Variants in CCDC171 observed in about 807,000 individuals in gnomAD.
CCDC171 encodes the protein coiled-coil domain-containing protein 171.
In CCDC171, 177 loss-of-function variants were observed where a neutral mutation model predicts 168.2. The observed-to-expected ratio is 1.05, with a 90% CI of 0.93 to 1.19. The LOEUF is 1.19. Among genes scored for constraint, CCDC171 ranks in the 50% most tolerant of loss-of-function variants. The pLI is 0.00. For synonymous variants in CCDC171, 687 were observed against 540.8 expected, an observed-to-expected ratio of 1.27 and a Z score of -3.75; for missense variants, 1,991 against 1,539.0, an observed-to-expected ratio of 1.29 and a Z score of -4.91.
chr9:15,892,791 C>T (rs1820396034), intron 24 of CCDC171, among the ~76,000 whole-genome samples: 1 of 152,074 alleles, frequency 6.6e-6, no homozygotes. Flanking sequence ...AGAAAGGACA[C>T]AAACAAATGG....
rs926891524 is a variant in CCDC171 at position 15,809,050 on chromosome 9, C to T, written c.3267+24356C>T. Among the ~76,000 whole-genome samples, 6 of 152,126 alleles carry T rather than the reference C, an allele frequency of 3.9e-5. No individual in the cohort carries two copies. In the East Asian group the frequency reaches 1.2e-3, roughly 29 times the overall value. ...AGGGCACTAATCCCGATTTTGAGTG[C>T]TCGTCCATGATGGTTTAGTCACCTC... On this transcript the variant is annotated intron_variant, in intron 21 of 25. Transcript: ENST00000380701.
chr9:16,094,335 T>C, the CCDC171 span, among the ~76,000 whole-genome samples: 1 of 152,200 alleles, frequency 6.6e-6, no homozygotes, highest in Admixed American at 6.5e-5. Context: ...GGTGAGCTGG[T>C]TAGGAGAGTC....
downstream of CCDC171, among the ~76,000 whole-genome samples, chr9:15,978,866 A>C (rs558680814): frequency 1.8e-4 from 28 of 152,286 alleles, no homozygotes; most frequent in African/African-American, 5.8e-4. Flanking sequence ...CCCAAAGAGG[A>C]GCTCTGAACC....
rs560170321 is a variant in CCDC171 at position 15,857,041 on chromosome 9, A to G, written c.3468+8094A>G. Among the ~76,000 whole-genome samples, 135 of 152,132 alleles carry G rather than the reference A, an allele frequency of 8.9e-4. 1 individual carries two copies. The highest frequency in any genetic ancestry group is 3.2e-3 in the African/African-American group (132 of 41,504). On this transcript the variant is annotated intron_variant, in intron 23 of 25. Transcript: ENST00000380701. ...AAATGTATATTCAAGTTCTTAGCCC[A>G]TTTTAAAATGAGGTTATTAGTTTCT...
chr9:16,062,802 C>G (rs148065468), downstream of CCDC171, among the ~76,000 whole-genome samples: 1 of 152,210 alleles, frequency 6.6e-6, no homozygotes, highest in Non-Finnish European at 1.5e-5. Flanking sequence ...CTGGGGGACC[C>G]CGGTGAGGGA....
chr9:15,963,377 T>C (rs1397318403), intron 25 of CCDC171, among the ~76,000 whole-genome samples: 1 of 152,212 alleles, frequency 6.6e-6, no homozygotes, highest in Non-Finnish European at 1.5e-5. Flanking sequence ...TTTGTTTATC[T>C]ATCTAAAAAT....
In CCDC171 at chr9:15,727,864, TGCA is replaced by T; in HGVS notation, c.1693-3_1693-1del. 1 of 1,597,600 alleles carries T rather than the reference TGCA, an allele frequency of 6.3e-7. No homozygotes were observed. Among genetic ancestry groups the T allele is most frequent in the Non-Finnish European group, 8.5e-7 (1 of 1,173,490 alleles). On this transcript the variant is annotated splice_acceptor_variant and splice_polypyrimidine_tract_variant and intron_variant, in intron 14 of 25. Transcript: ENST00000380701. LOFTEE classifies it high-confidence loss of function. ...CAATTAATTTTTCTTTTTTTTTTCC[TGCA>T]GGAGAAGCTAACCTTCCTTCACACC...
At chr9:15,753,026 A>G (rs1005549113) in intron 18 of CCDC171, among the ~76,000 whole-genome samples, 2 of 152,128 alleles carry the variant, frequency 1.3e-5, no homozygotes, top group East Asian at 1.9e-4. Context: ...TCACTGTGTT[A>G]TGTATATATT....
intron 6 of CCDC171, among the ~76,000 whole-genome samples, chr9:15,615,815 G>C (rs1333359271): frequency 2.0e-5 from 3 of 147,484 alleles, no homozygotes; most frequent in Non-Finnish European, 4.5e-5. Flanking sequence ...GTCTCACTCT[G>C]TCACCCAGGC....
At chr9:15,948,715 G>C (rs940226159) in intron 25 of CCDC171, among the ~76,000 whole-genome samples, 4 of 151,450 alleles carry the variant, frequency 2.6e-5, no homozygotes, top group Admixed American at 1.3e-4. Context: ...GTAGATTCTG[G>C]ATATTAGCCC....
At chr9:15,759,552 T>G (rs1384629597) in intron 18 of CCDC171, among the ~76,000 whole-genome samples, 1 of 152,212 alleles carries the variant, frequency 6.6e-6, no homozygotes, top group Non-Finnish European at 1.5e-5. Context: ...CATGTTTTTT[T>G]AGTCTCCAGT....
Position 15,711,675 on chromosome 9 carries a change from AT to A in CCDC171, c.1319-10092del, listed in dbSNP as rs2052677206. On this transcript the variant is annotated intron_variant, in intron 11 of 25. Transcript: ENST00000380701. ...TGTTGTAAGAATTAGACCTTATGCA[AT>A]TGTGGGAGGAGCTGGGAAAGTAAGG... 2.0e-5 allele frequency among the ~76,000 whole-genome samples: 3 copies of A among 152,354 alleles called. No individual in the cohort carries two copies. In the South Asian group the frequency reaches 6.2e-4, roughly 32 times the overall value.
At chr9:15,599,246 A>G (rs1179414305) in intron 6 of CCDC171, among the ~76,000 whole-genome samples, 3 of 152,072 alleles carry the variant, frequency 2.0e-5, no homozygotes, top group Non-Finnish European at 4.4e-5. Context: ...CCTAGCCTTG[A>G]TGGTCTTTAC....
At chr9:15,760,387 A>G (rs2056379104) in intron 18 of CCDC171, among the ~76,000 whole-genome samples, 1 of 152,216 alleles carries the variant, frequency 6.6e-6, no homozygotes, top group Non-Finnish European at 1.5e-5. Context: ...TTAGGAAAGA[A>G]AATTTACTGT....
intron 8 of CCDC171, among the ~76,000 whole-genome samples, chr9:15,662,743 A>G (rs2048410255): frequency 6.6e-6 from 1 of 152,056 alleles, no homozygotes. Flanking sequence ...TGGGAGGCTG[A>G]GGTGGGCAAA....
intron 9 of CCDC171, among the ~76,000 whole-genome samples, chr9:15,669,180 C>T (rs2048936249): frequency 6.6e-6 from 1 of 152,126 alleles, no homozygotes; most frequent in Non-Finnish European, 1.5e-5. Context: ...TAACAGTAGA[C>T]ATTCCTACAT....
chr9:15,878,778 C>G (rs1354372683), intron 24 of CCDC171, among the ~76,000 whole-genome samples: 6 of 152,090 alleles, frequency 3.9e-5, no homozygotes, highest in African/African-American at 1.4e-4. Flanking sequence ...ACATATACAC[C>G]ATGGAATACT....
intron 25 of CCDC171, among the ~76,000 whole-genome samples, chr9:15,956,641 A>G (rs954356730): frequency 1.3e-5 from 2 of 152,158 alleles, no homozygotes; most frequent in Non-Finnish European, 2.9e-5. Flanking sequence ...AATGTGCAAA[A>G]TACTTAGATC....
intron 22 of CCDC171, among the ~76,000 whole-genome samples, chr9:15,847,318 A>G (rs1195888688): frequency 1.3e-5 from 2 of 152,108 alleles, no homozygotes; most frequent in East Asian, 1.9e-4. Flanking sequence ...AAAAAATACA[A>G]TAAAACATAT....
Sources: gnomAD v4.1 joint callset for allele counts (sites outside exome capture counted in the v4.1 genomes callset) on GRCh38, gnomAD v4.1.1 for gene constraint, MANE v1.5 for transcripts, NCBI Gene and HGNC (gene_info 2026-07-23, HGNC 2026-07-21) for gene names.